LGSN: variants seen among roughly 807,000 people sequenced by gnomAD.
LGSN encodes lengsin, lens protein with glutamine synthetase domain.
LGSN carries 21 observed loss-of-function variants against 19.5 expected under a neutral mutation model. The ratio of observed to expected loss-of-function variants is 1.07; its 90% CI spans 0.76 to 1.55. The LOEUF (loss-of-function observed/expected upper bound fraction) is 1.55. Among genes scored for constraint, LGSN ranks in the 40% most tolerant of loss-of-function variants. The pLI is 0.00. For synonymous variants in LGSN, 257 were observed against 215.6 expected (o/e 1.19, Z -1.68); for missense variants, 673 against 608.5 (o/e 1.11, Z -1.12).
the LGSN span, among the ~76,000 whole-genome samples, chr6:63,552,728 G>C: frequency 6.6e-6 from 1 of 152,144 alleles, no homozygotes; most frequent in Admixed American, 6.6e-5. Context: ...GTAAGGAAGG[G>C]ATCCAGTTTC....
the LGSN span, among the ~76,000 whole-genome samples, chr6:63,327,871 C>T: frequency 6.6e-6 from 1 of 152,110 alleles, no homozygotes; most frequent in Non-Finnish European, 1.5e-5. Context: ...CTGTTCTCCC[C>T]TCTCCTTCCC....
chr6:63,300,074 A>T (rs2127390350), intron 1 of LGSN, among the ~76,000 whole-genome samples: 1 of 152,200 alleles, frequency 6.6e-6, no homozygotes, highest in African/African-American at 2.4e-5. Flanking sequence ...AGGCCTGGAG[A>T]CGTGTATGTC....
the LGSN span, among the ~76,000 whole-genome samples, chr6:63,544,426 G>A: frequency 6.6e-6 from 1 of 151,796 alleles, no homozygotes; most frequent in Admixed American, 6.6e-5. Context: ...CCAAAAACAG[G>A]AATATATATT....
At chr6:63,423,752 A>G in the LGSN span, among the ~76,000 whole-genome samples, 2 of 152,118 alleles carry the variant, frequency 1.3e-5, no homozygotes, top group African/African-American at 4.8e-5. Flanking sequence ...AAACTGATAG[A>G]ACTGACCAGG....
At chr6:63,288,531 T>C (rs559179559) in intron 2 of LGSN, among the ~76,000 whole-genome samples, 66 of 152,010 alleles carry the variant, frequency 4.3e-4, no homozygotes, top group Non-Finnish European at 5.9e-4. Flanking sequence ...TGGACAGCTC[T>C]AACCCTTGAT....
chr6:63,496,418 A>C, the LGSN span, among the ~76,000 whole-genome samples: 1 of 152,332 alleles, frequency 6.6e-6, no homozygotes, highest in African/African-American at 2.4e-5. Flanking sequence ...GGAGTGCATG[A>C]ATGACGGAAT....
the LGSN span, among the ~76,000 whole-genome samples, chr6:63,432,149 G>T: frequency 9.3e-6 from 1 of 107,722 alleles, no homozygotes; most frequent in Admixed American, 1.1e-4. Context: ...AAGAAAGAAA[G>T]AAAGAAAGAA....
intron 1 of LGSN, among the ~76,000 whole-genome samples, chr6:63,313,261 C>T (rs2127395876): frequency 6.6e-6 from 1 of 151,952 alleles, no homozygotes; most frequent in African/African-American, 2.4e-5. Flanking sequence ...AATACTTGCC[C>T]TTTGTATTTT....
the LGSN span, among the ~76,000 whole-genome samples, chr6:63,499,871 T>G: frequency 6.6e-6 from 1 of 152,134 alleles, no homozygotes; most frequent in Non-Finnish European, 1.5e-5. Context: ...ACATTAAGTC[T>G]AGGAGTAGAA....
the LGSN span, among the ~76,000 whole-genome samples, chr6:63,531,571 C>T: frequency 6.8e-6 from 1 of 146,982 alleles, no homozygotes; most frequent in African/African-American, 2.5e-5. Flanking sequence ...CTCACTGCAG[C>T]CTCAACCTCC....
At chr6:63,323,156 C>T (rs973080789), upstream of LGSN, among the ~76,000 whole-genome samples, 3 of 152,174 alleles carry the variant, frequency 2.0e-5, no homozygotes, top group African/African-American at 7.2e-5. Flanking sequence ...TTCCAAGGCA[C>T]ATAAGGAGCT....
the LGSN span, among the ~76,000 whole-genome samples, chr6:63,408,848 A>T: frequency 6.6e-6 from 1 of 151,996 alleles, no homozygotes; most frequent in East Asian, 1.9e-4. Flanking sequence ...AAAACAAACA[A>T]CCCCATCAAA....
the LGSN span, among the ~76,000 whole-genome samples, chr6:63,399,259 T>C: frequency 1.3e-5 from 2 of 152,160 alleles, no homozygotes; most frequent in Non-Finnish European, 2.9e-5. Flanking sequence ...GGCTATACCT[T>C]ATAGCTTAGG....
At chr6:63,390,731 T>C in the LGSN span, among the ~76,000 whole-genome samples, 16,115 of 150,314 alleles carry the variant, frequency 0.11, 1,770 homozygotes, top group African/African-American at 0.29. Context: ...AGGTGGCGGG[T>C]GCCTGTAGTC....
At chr6:63,329,406 G>A in the LGSN span, among the ~76,000 whole-genome samples, 3 of 152,236 alleles carry the variant, frequency 2.0e-5, no homozygotes, top group Non-Finnish European at 2.9e-5. Context: ...ACTGGATATA[G>A]TGGAATTACT....
chr6:63,370,600 A>G, the LGSN span, among the ~76,000 whole-genome samples: 1 of 152,350 alleles, frequency 6.6e-6, no homozygotes, highest in African/African-American at 2.4e-5. Flanking sequence ...GGTCCTGCCT[A>G]CGCATCTATC....
chr6:63,393,109 G>A, the LGSN span, among the ~76,000 whole-genome samples: 5 of 151,204 alleles, frequency 3.3e-5, no homozygotes, highest in Admixed American at 6.6e-5. Flanking sequence ...GGATGGTCTC[G>A]ATCTCCTGAC....
At chr6:63,546,583 G>T in the LGSN span, among the ~76,000 whole-genome samples, 5 of 152,176 alleles carry the variant, frequency 3.3e-5, no homozygotes, top group Non-Finnish European at 5.9e-5. Context: ...GTGCATGCCT[G>T]TAATCCCAGC....
the LGSN span, among the ~76,000 whole-genome samples, chr6:63,529,310 C>T: frequency 6.7e-6 from 1 of 150,076 alleles, no homozygotes; most frequent in African/African-American, 2.5e-5. Flanking sequence ...CTCTACATAA[C>T]ATTTGATACA....
Sources: allele counts gnomAD v4.1 joint callset (sites outside exome capture counted in the v4.1 genomes callset), GRCh38; gene constraint gnomAD v4.1.1; transcripts MANE v1.5; gene names NCBI Gene and HGNC (gene_info 2026-07-23, HGNC 2026-07-21).